ETFA: variants seen among roughly 807,000 people sequenced by gnomAD.
ETFA encodes the protein electron transfer flavoprotein subunit alpha.
Under a neutral mutation model 46.2 loss-of-function variants are expected in ETFA, and 22 were observed. That is an observed-to-expected ratio of 0.48 (90% CI 0.34 to 0.68). The LOEUF (loss-of-function observed/expected upper bound fraction) is 0.68, where lower values mean the gene tolerates loss of function less well. ETFA is among the 30% of genes least tolerant of loss of function. The probability of loss-of-function intolerance (pLI) is 0.01; values close to 1 mark genes in which losing one functional copy is unlikely to be tolerated. For missense variants in ETFA, 345 were observed against 401.1 expected (o/e 0.86, Z 1.19); for synonymous variants, 131 against 139.9 (o/e 0.94, Z 0.45).
intron 1 of ETFA, among the ~76,000 whole-genome samples, chr15:76,297,836 T>C (rs1292909414): frequency 1.3e-5 from 2 of 152,220 alleles, no homozygotes; most frequent in Admixed American, 6.5e-5. Flanking sequence ...TTTTAAAATA[T>C]TAAACTTCCT....
chr15:76,311,421 A>G lies in ETFA; in HGVS notation c.-33T>C, dbSNP rs1236508133. On this transcript the variant is annotated 5_prime_UTR_variant, in exon 1 of 12. Transcript: ENST00000557943. Reference sequence around the variant, plus strand: ...GCTTCCGCCGCAACCTCGGCCTTACAGCAGCCCCGTGCCCGGCCAACTGGC... The same window carrying G: ...GCTTCCGCCGCAACCTCGGCCTTACGGCAGCCCCGTGCCCGGCCAACTGGC... 1.3e-6 allele frequency: 2 copies of G among 1,549,768 alleles called. No homozygotes were observed. The highest frequency in any genetic ancestry group is 2.4e-5 in the East Asian group (1 of 41,318).
chr15:76,261,159 A>G (rs113576573), intron 9 of ETFA: 324,370 of 1,494,246 alleles, frequency 0.22, 1,176 homozygotes, highest in Non-Finnish European at 0.25. Flanking sequence ...GAGAGGGAGC[A>G]GGTCCCCCGA....
chr15:76,232,257 T>A (rs146172231), intron 9 of ETFA, among the ~76,000 whole-genome samples: 18 of 152,344 alleles, frequency 1.2e-4, no homozygotes, highest in African/African-American at 3.4e-4. Flanking sequence ...CACACTTCCA[T>A]TATGAAAAAC....
chr15:76,295,984 C>G (rs1299192362), intron 1 of ETFA, among the ~76,000 whole-genome samples: 3 of 59,894 alleles, frequency 5.0e-5, no homozygotes, highest in African/African-American at 1.4e-4. Flanking sequence ...CTCTGTCGCC[C>G]AGGCTGGAGT....
At chr15:76,233,186 G>A (rs964147747) in intron 9 of ETFA, among the ~76,000 whole-genome samples, 2 of 152,176 alleles carry the variant, frequency 1.3e-5, no homozygotes, top group Non-Finnish European at 2.9e-5. Context: ...AATGTATCCA[G>A]TGTGTCAATT....
At chr15:76,268,719 GA>G (rs1211121651) in intron 9 of ETFA, among the ~76,000 whole-genome samples, 1 of 152,194 alleles carries the variant, frequency 6.6e-6, no homozygotes, top group African/African-American at 2.4e-5. Context: ...TTGTAAAAGG[GA>G]AAGAGGAAAT....
intron 10 of ETFA, chr15:76,228,025 C>T (rs1479062460): frequency 2.2e-6 from 1 of 453,462 alleles, no homozygotes; most frequent in South Asian, 1.6e-5. Context: ...TGTTGATTTG[C>T]ATTGGCGTGT....
chr15:76,219,560 G>A (rs1261182794), intron 11 of ETFA, among the ~76,000 whole-genome samples: 2 of 152,146 alleles, frequency 1.3e-5, no homozygotes, highest in African/African-American at 2.4e-5. Context: ...GAGAGAAAAC[G>A]TTTGGAAATC....
At position 76,216,486 on chromosome 15, in the gene ETFA, T is replaced by C. The variant is rs2142101039; in HGVS notation, c.*73A>G. 1 of 912,736 alleles carries C rather than the reference T, an allele frequency of 1.1e-6. No homozygotes were observed. Among genetic ancestry groups the C allele is most frequent in the South Asian group, 1.3e-5 (1 of 74,716 alleles). The allele number at this position is 912,736 out of a possible 1,614,324, so 56.5% of individuals were successfully genotyped here. A position where few individuals can be genotyped will look rare whatever the true frequency, so the allele number is the denominator to read the frequency against. On this transcript the variant is annotated 3_prime_UTR_variant, in exon 12 of 12. Transcript: ENST00000557943. Reference sequence around the variant, plus strand: ...TCTCCATGCTTTCCAATGATTGTTATAATACCCACAAATATCTGTGATTTC... The same window carrying C: ...TCTCCATGCTTTCCAATGATTGTTACAATACCCACAAATATCTGTGATTTC...
At chr15:76,226,772 G>A (rs917166566) in intron 10 of ETFA, among the ~76,000 whole-genome samples, 2 of 152,124 alleles carry the variant, frequency 1.3e-5, no homozygotes, top group South Asian at 2.1e-4. Context: ...CAAGCTACTC[G>A]GGAGGCTGAG....
Position 76,295,440 on chromosome 15 carries a change from T to C in ETFA, c.186+151A>G, listed in dbSNP as rs1202292545. 14 of 722,088 alleles carry C rather than the reference T, an allele frequency of 1.9e-5. No individual in the cohort carries two copies. In the East Asian group the frequency reaches 2.6e-4, roughly 13 times the overall value. 44.7% of individuals were successfully genotyped at this position (722,088 alleles called of 1,614,324 possible). A position where few individuals can be genotyped will look rare whatever the true frequency, so the allele number is the denominator to read the frequency against. On this transcript the variant is annotated intron_variant, in intron 2 of 11. Coordinates refer to ENST00000557943, the MANE Select transcript of ETFA (RefSeq NM_000126.4). ...AGGGAAGAAACCTTTTAGTTCCTTT[T>C]TCACACATGGTAATGGTTGTGACAC...
At chr15:76,224,177 A>C (rs2038983019) in intron 11 of ETFA, among the ~76,000 whole-genome samples, 1 of 152,194 alleles carries the variant, frequency 6.6e-6, no homozygotes, top group Non-Finnish European at 1.5e-5. Context: ...AGTTATCATT[A>C]CACAGAGAAA....
chr15:76,218,813 T>C (rs1006009270), intron 11 of ETFA, among the ~76,000 whole-genome samples: 7 of 152,222 alleles, frequency 4.6e-5, no homozygotes, highest in Non-Finnish European at 8.8e-5. Context: ...GTTTCACTCA[T>C]TCACTTAGTA....
At chr15:76,252,140 C>A (rs2039304902) in intron 9 of ETFA, among the ~76,000 whole-genome samples, 1 of 152,178 alleles carries the variant, frequency 6.6e-6, no homozygotes, top group African/African-American at 2.4e-5. Context: ...ATGGACAGGA[C>A]CATATAGAAT....
intron 9 of ETFA, among the ~76,000 whole-genome samples, chr15:76,238,410 T>C (rs942101418): frequency 3.9e-5 from 6 of 152,158 alleles, no homozygotes; most frequent in Non-Finnish European, 8.8e-5. Flanking sequence ...TAAATAAAAA[T>C]TTAAACACAT....
At chr15:76,307,934 A>C (rs1232362305) in intron 1 of ETFA, among the ~76,000 whole-genome samples, 3 of 152,186 alleles carry the variant, frequency 2.0e-5, no homozygotes, top group Non-Finnish European at 4.4e-5. Flanking sequence ...GGTTAGCTAC[A>C]GAACATTTTT....
intron 9 of ETFA, among the ~76,000 whole-genome samples, chr15:76,243,419 T>C (rs1421644865): frequency 6.7e-6 from 1 of 149,354 alleles, no homozygotes; most frequent in Non-Finnish European, 1.5e-5. Context: ...CTTGTGGTAA[T>C]TATTAAAAAT....
rs370375322 is a variant in ETFA, at chr15:76,295,711, G to A, written c.66C>T (p.Thr22=). Residue 22 remains threonine, a synonymous_variant, in exon 2 of 12, where the codon ACC becomes ACT. Coordinates refer to ENST00000557943, the MANE Select transcript of ETFA (RefSeq NM_000126.4). ...CATTTGCATGCTCAGCTATTACCAG[G>A]GTACTCTGAAATCGTAGCAATGAGG... is the stretch of plus-strand genomic sequence containing the variant. The part of the protein sequence containing the change: ...RAASLLRFQS[T]LVIAEHANDS... 2.4e-5 allele frequency: 39 copies of A among 1,612,502 alleles called. No homozygotes were observed. The highest frequency in any genetic ancestry group is 3.2e-5 in the Non-Finnish European group (38 of 1,179,696).
At position 76,304,383 on chromosome 15, in the gene ETFA, C is replaced by T. The variant is rs181118225; in HGVS notation, c.39+6967G>A. ...CGGCAAAATAATCTGTACATCAAAC[C>T]CCCAGGACACACGGTTTACTCATAA... On this transcript the variant is annotated intron_variant, in intron 1 of 11. Transcript: ENST00000557943. Among the ~76,000 whole-genome samples the T allele has an allele frequency of 1.2e-3, 183 of 152,154 alleles. 1 individual carries two copies. The highest frequency in any genetic ancestry group is 1.8e-3 in the Non-Finnish European group (123 of 68,004).
Sources: allele counts gnomAD v4.1 joint callset (sites outside exome capture counted in the v4.1 genomes callset), GRCh38; gene constraint gnomAD v4.1.1; transcripts MANE v1.5; gene names NCBI Gene and HGNC (gene_info 2026-07-23, HGNC 2026-07-21).